Variants in KIAA1755 observed in about 807,000 individuals in gnomAD.
KIAA1755 encodes the protein uncharacterized protein KIAA1755.
KIAA1755 carries 68 observed loss-of-function variants against 91.7 expected under a neutral mutation model. The ratio of observed to expected loss-of-function variants is 0.74; its 90% CI spans 0.61 to 0.91. The LOEUF (loss-of-function observed/expected upper bound fraction) is 0.91, where lower values mean the gene tolerates loss of function less well. KIAA1755 is among the 40% of genes least tolerant of loss of function. The pLI, the probability that KIAA1755 is intolerant of heterozygous loss-of-function variation, is 0.00. For missense variants in KIAA1755, 1,535 were observed against 1,494.4 expected (o/e 1.03, Z -0.45); for synonymous variants, 610 against 604.6 (o/e 1.01, Z -0.13).
Position 38,260,632 on chromosome 20 carries a change from G to A in KIAA1755, c.-132C>T. On this transcript the variant is annotated 5_prime_UTR_variant, in exon 1 of 14. Coordinates refer to ENST00000279024, the MANE Select transcript of KIAA1755 (RefSeq NM_001029864.2). The stretch of plus-strand genomic sequence containing the variant: ...GGAGCCAGGGGATAGGGCAGGCCCG[G>A]GGCACCGACCCCGGCGTCATCTCGG... 1 of 1,134,068 alleles carries A rather than the reference G, an allele frequency of 8.8e-7. No individual in the cohort carries two copies. Among genetic ancestry groups the A allele is most frequent in the Non-Finnish European group, 1.2e-6 (1 of 861,362 alleles). 70.3% of individuals were successfully genotyped at this position (1,134,068 alleles called of 1,614,324 possible).
intron 7 of KIAA1755, among the ~76,000 whole-genome samples, chr20:38,226,608 G>C (rs1305019988): frequency 6.6e-6 from 1 of 152,208 alleles, no homozygotes; most frequent in Non-Finnish European, 1.5e-5. Context: ...GCAGGACAGA[G>C]GACTGACTGC....
chr20:38,257,520 G>T, intron 1 of KIAA1755, among the ~76,000 whole-genome samples: 1 of 150,070 alleles, frequency 6.7e-6, no homozygotes. Flanking sequence ...GGCAGAGATT[G>T]CAGTGAGCCA....
intron 1 of KIAA1755, among the ~76,000 whole-genome samples, chr20:38,253,494 C>T (rs2076287252): frequency 6.6e-6 from 1 of 152,150 alleles, no homozygotes; most frequent in Non-Finnish European, 1.5e-5. Context: ...AAAAGACCTC[C>T]ACCACTCCAG....
rs114060114 is a variant in KIAA1755, at chr20:38,214,493, T to A, written c.2902-750A>T. ...TGTCTCAGGCAGGATTGCACTGAAC[T>A]GCACCAGCAGCCCATTTCACAGAGA... On this transcript the variant is annotated intron_variant, in intron 13 of 13. Transcript: ENST00000279024. Among the ~76,000 whole-genome samples, 938 of 152,332 alleles carry A rather than the reference T, an allele frequency of 6.2e-3. 10 individuals carry two copies. The highest frequency in any genetic ancestry group is 0.022 in the African/African-American group (902 of 41,578).
intron 2 of KIAA1755, among the ~76,000 whole-genome samples, chr20:38,245,247 T>C (rs2076136712): frequency 6.6e-6 from 1 of 152,208 alleles, no homozygotes; most frequent in South Asian, 2.1e-4. Context: ...ATATAAATCC[T>C]TGAGCTTCCC....
intron 7 of KIAA1755, among the ~76,000 whole-genome samples, chr20:38,226,879 T>A (rs893006080): frequency 1.3e-5 from 2 of 152,138 alleles, no homozygotes; most frequent in African/African-American, 4.8e-5. Context: ...TCAAATAGGT[T>A]CTATGCCATG....
chr20:38,253,598 T>C (rs1324151594), intron 1 of KIAA1755, among the ~76,000 whole-genome samples: 4 of 152,176 alleles, frequency 2.6e-5, no homozygotes, highest in Non-Finnish European at 5.9e-5. Flanking sequence ...ATAGTATGAA[T>C]AAAACCATGT....
intron 4 of KIAA1755, among the ~76,000 whole-genome samples, chr20:38,231,871 C>T (rs890080147): frequency 2.0e-5 from 3 of 152,170 alleles, no homozygotes; most frequent in Non-Finnish European, 4.4e-5. Flanking sequence ...GGGTGGTGAG[C>T]GTGCAGCCCT....
Position 38,210,974 on chromosome 20 carries a change from C to A in KIAA1755, c.*2068G>T, listed in dbSNP as rs918831779. Reference sequence around the variant, plus strand: ...TTTGGGTGGAGGACTCAGGCCCCAGCCCCGGGTGTTCCCCAAATGCACCCC... The same window carrying A: ...TTTGGGTGGAGGACTCAGGCCCCAGACCCGGGTGTTCCCCAAATGCACCCC... On this transcript the variant is annotated 3_prime_UTR_variant, in exon 14 of 14. Transcript: ENST00000279024. 1.3e-5 allele frequency: 2 copies of A among 152,242 alleles called. No individual in the cohort carries two copies. Among genetic ancestry groups the A allele is most frequent in the African/African-American group, 4.8e-5 (2 of 41,456 alleles). The allele number at this position is 152,242 out of a possible 1,614,324, so 9.4% of individuals were successfully genotyped here. A position where few individuals can be genotyped will look rare whatever the true frequency, so the allele number is the denominator to read the frequency against.
Position 38,241,522 on chromosome 20 carries a change from G to A in KIAA1755, c.609C>T (p.Pro203=). The A allele has an allele frequency of 6.2e-7, 1 of 1,614,206 alleles. No homozygotes were observed. The highest frequency in any genetic ancestry group is 8.5e-7 in the Non-Finnish European group (1 of 1,180,024). The stretch of plus-strand genomic sequence containing the variant: ...TCAAATCCAGTGCCTCTAATGGAAG[G>A]GGCCCCCAGGCTTGGCAGAGGGCAT... The part of the protein sequence containing the change: ...VVNALCQAWG[P]LPLEALDLSS... The change falls in exon 3 of 14, where the codon CCC becomes CCT. Residue 203 remains proline, a synonymous_variant. Coordinates refer to ENST00000279024, the MANE Select transcript of KIAA1755 (RefSeq NM_001029864.2).
Position 38,257,825 on chromosome 20 carries a change from G to A in KIAA1755, c.3+2673C>T, listed in dbSNP as rs143015542. ...GAAAACAGTCCTCGGGCTTGAAATT[G>A]TTCACCACCAACCTCATCCAGCCAG... is the stretch of plus-strand genomic sequence containing the variant. On this transcript the variant is annotated intron_variant, in intron 1 of 13. Transcript: ENST00000279024. 2.9e-3 allele frequency among the ~76,000 whole-genome samples: 438 copies of A among 151,634 alleles called. 3 individuals are homozygous for A. Among genetic ancestry groups the A allele is most frequent in the African/African-American group, 9.6e-3 (397 of 41,310 alleles).
intron 1 of KIAA1755, among the ~76,000 whole-genome samples, chr20:38,251,514 G>T (rs2076248884): frequency 6.6e-6 from 1 of 151,880 alleles, no homozygotes; most frequent in South Asian, 2.1e-4. Flanking sequence ...GGGGTGGGGG[G>T]ATGTGTATAC....
intron 13 of KIAA1755, 186 bp downstream of exon 13, chr20:38,217,067 C>G: frequency 3.1e-6 from 2 of 640,038 alleles, no homozygotes; most frequent in Non-Finnish European, 5.6e-6. Context: ...CCTGCTGTGC[C>G]CCCAGCCAGG....
chr20:38,239,914 A>G (rs2076025279), intron 3 of KIAA1755, among the ~76,000 whole-genome samples, 189 bp from the exon 4 acceptor site: 1 of 151,356 alleles, frequency 6.6e-6, no homozygotes, highest in African/African-American at 2.4e-5. Flanking sequence ...TTTTTTCTTT[A>G]GTGACAGAGT....
At chr20:38,215,900 T>C (rs372332084) in intron 13 of KIAA1755, among the ~76,000 whole-genome samples, 24 of 152,316 alleles carry the variant, frequency 1.6e-4, no homozygotes, top group African/African-American at 5.5e-4. Context: ...CATTGAAATC[T>C]GTCATTAGCT....
chr20:38,217,943 C>T, intron 12 of KIAA1755: 2 of 451,172 alleles, frequency 4.4e-6, no homozygotes, highest in South Asian at 2.9e-5. Flanking sequence ...GATGCAGCTT[C>T]CCTGCCCTCC....
chr20:38,217,585 C>A, intron 12 of KIAA1755, 111 bp from the exon 13 acceptor site: 1 of 704,588 alleles, frequency 1.4e-6, no homozygotes, highest in South Asian at 1.8e-5. Context: ...ACTTCCTGAG[C>A]TTCAGTTTCC....
intron 10 of KIAA1755, among the ~76,000 whole-genome samples, chr20:38,220,108 A>G (rs967561605): frequency 6.6e-6 from 1 of 152,110 alleles, no homozygotes; most frequent in Non-Finnish European, 1.5e-5. Flanking sequence ...TCTGCTTTTT[A>G]TTCTGTGAGG....
At chr20:38,232,146 G>A (rs934470626) in intron 4 of KIAA1755, among the ~76,000 whole-genome samples, 4 of 152,122 alleles carry the variant, frequency 2.6e-5, no homozygotes, top group African/African-American at 9.7e-5. Context: ...CCTCACTCCA[G>A]GATGCCCTGC....
Sources: allele counts gnomAD v4.1 joint callset (sites outside exome capture counted in the v4.1 genomes callset), GRCh38; gene constraint gnomAD v4.1.1; transcripts MANE v1.5; gene names NCBI Gene and HGNC (gene_info 2026-07-23, HGNC 2026-07-21).